YWHAE: variants seen among roughly 807,000 people sequenced by gnomAD.
YWHAE encodes the protein tyrosine 3-monooxygenase/tryptophan 5-monooxygenase activation protein epsilon.
YWHAE carries 4 observed loss-of-function variants against 30.1 expected under a neutral mutation model. The observed-to-expected ratio is 0.13, with a 90% CI of 0.07 to 0.30. YWHAE has a LOEUF of 0.30. Ranked by LOEUF, YWHAE falls within the 10% of genes least tolerant of loss-of-function variation. The pLI, the probability that YWHAE is intolerant of heterozygous loss-of-function variation, is 1.00. For missense variants in YWHAE, 121 were observed against 315.9 expected (o/e 0.38, Z 4.68); for synonymous variants, 118 against 111.8 (o/e 1.06, Z -0.35).
chr17:1,384,527 TA>T (rs1838791337), intron 1 of YWHAE, among the ~76,000 whole-genome samples: 2 of 78,212 alleles, frequency 2.6e-5, no homozygotes, highest in Admixed American at 3.0e-4. Flanking sequence ...CTGTCTCTAC[TA>T]AAAATACAAA....
At chr17:1,394,819 T>C (rs1043400183) in intron 1 of YWHAE, among the ~76,000 whole-genome samples, 1 of 148,650 alleles carries the variant, frequency 6.7e-6, no homozygotes, top group Admixed American at 6.7e-5. Context: ...ATACAAAAAT[T>C]AGCCAGGTGC....
At chr17:1,360,951 C>G in intron 4 of YWHAE, 141 bp downstream of exon 4, 1 of 717,682 alleles carries the variant, frequency 1.4e-6, no homozygotes, top group South Asian at 1.8e-5. Context: ...TTAATACTAT[C>G]CAAAGTAGTT....
chr17:1,359,938 G>A (rs372076772), intron 4 of YWHAE, among the ~76,000 whole-genome samples: 13,075 of 55,954 alleles, frequency 0.23, 2,385 homozygotes, highest in African/African-American at 0.47. Flanking sequence ...GGGGGGAGGA[G>A]GGGGAGGGGG....
rs571186970 is a variant in YWHAE at position 1,399,829 on chromosome 17, C to T, written c.64+218G>A. 6.3e-5 allele frequency: 38 copies of T among 601,920 alleles called. No individual in the cohort carries two copies. The Admixed American group carries it at 7.9e-4, about 13-fold the overall frequency. 37.3% of individuals were successfully genotyped at this position (601,920 alleles called of 1,614,324 possible). A position where few individuals can be genotyped will look rare whatever the true frequency, so the allele number is the denominator to read the frequency against. Reference sequence around the variant, plus strand: ...ACCCCGTCGCCCCGGCCTCCCGGCCCGCGAGTTGTTTGCAGTTAAGGACGG... The same window carrying T: ...ACCCCGTCGCCCCGGCCTCCCGGCCTGCGAGTTGTTTGCAGTTAAGGACGG... On this transcript the variant is annotated intron_variant, in intron 1 of 5. Transcript: ENST00000264335.
intron 1 of YWHAE, among the ~76,000 whole-genome samples, chr17:1,388,854 T>C (rs1598269702): frequency 6.6e-6 from 1 of 152,206 alleles, no homozygotes; most frequent in African/African-American, 2.4e-5. Context: ...AGTGACAATA[T>C]TTTCTGGTCA....
In YWHAE at chr17:1,400,029, GTT is replaced by G; in HGVS notation, c.64+16_64+17del. ...GAGGGTCCGAGAATTCCAGCCCCCC[GTT>G]GCCCCCCCAACTCACCGTCGTATCG... is the stretch of plus-strand genomic sequence containing the variant. On this transcript the variant is annotated intron_variant, in intron 1 of 5. Transcript: ENST00000264335. 1.3e-4 allele frequency: 124 copies of G among 944,866 alleles called. No individual in the cohort carries two copies. Among genetic ancestry groups the G allele is most frequent in the Non-Finnish European group, 1.8e-4 (108 of 601,904 alleles). 58.5% of individuals were successfully genotyped at this position (944,866 alleles called of 1,614,324 possible).
intron 1 of YWHAE, among the ~76,000 whole-genome samples, chr17:1,365,299 T>A (rs1488397066): frequency 6.6e-6 from 1 of 152,138 alleles, no homozygotes; most frequent in Non-Finnish European, 1.5e-5. Context: ...ATATACTATC[T>A]AATATAATTT....
intron 1 of YWHAE, among the ~76,000 whole-genome samples, chr17:1,375,607 G>A (rs1208635210): frequency 6.6e-6 from 1 of 152,160 alleles, no homozygotes; most frequent in African/African-American, 2.4e-5. Flanking sequence ...TTGGGGACAA[G>A]GGTGGGTGAT....
intron 1 of YWHAE, among the ~76,000 whole-genome samples, chr17:1,370,074 T>C (rs2073007073): frequency 6.6e-6 from 1 of 151,554 alleles, no homozygotes; most frequent in Non-Finnish European, 1.5e-5. Flanking sequence ...GCATGATTTC[T>C]CTGTAGCATC....
At chr17:1,389,723 G>A (rs559991429) in intron 1 of YWHAE, among the ~76,000 whole-genome samples, 1 of 151,488 alleles carries the variant, frequency 6.6e-6, no homozygotes, top group Non-Finnish European at 1.5e-5. Context: ...GTAGAGACAG[G>A]GTTTCACTGT....
At chr17:1,379,521 G>A (rs550475170) in intron 1 of YWHAE, among the ~76,000 whole-genome samples, 4 of 152,122 alleles carry the variant, frequency 2.6e-5, no homozygotes, top group South Asian at 2.1e-4. Flanking sequence ...CTTCTAATTC[G>A]AATGACGAAA....
At chr17:1,377,695 A>AC (rs576090225) in intron 1 of YWHAE, among the ~76,000 whole-genome samples, 208 of 152,268 alleles carry the variant, frequency 1.4e-3, no homozygotes, top group Admixed American at 3.3e-3. Context: ...TTAGCCAATG[A>AC]CCTTTCCTTT....
chr17:1,372,345 TTC>T (rs578068093), intron 1 of YWHAE, among the ~76,000 whole-genome samples: 143 of 152,322 alleles, frequency 9.4e-4, no homozygotes, highest in Non-Finnish European at 1.8e-3. Flanking sequence ...CACCAAAACT[TTC>T]TGTCAGCAAG....
At chr17:1,354,139 G>T (rs1465599026) in intron 5 of YWHAE, 72 bp downstream of exon 5, 8 of 1,544,588 alleles carry the variant, frequency 5.2e-6, no homozygotes, top group Non-Finnish European at 6.1e-6. Flanking sequence ...GACAAGCCAA[G>T]GAATGTCTAA....
intron 1 of YWHAE, among the ~76,000 whole-genome samples, chr17:1,395,100 A>G (rs1354476954): frequency 6.6e-6 from 1 of 152,034 alleles, no homozygotes; most frequent in Non-Finnish European, 1.5e-5. Flanking sequence ...CATGAAAAAA[A>G]AAAACAATCA....
At chr17:1,370,084 C>G (rs75618084) in intron 1 of YWHAE, among the ~76,000 whole-genome samples, 2 of 146,074 alleles carry the variant, frequency 1.4e-5, no homozygotes, top group East Asian at 2.0e-4. Flanking sequence ...TCTGTAGCAT[C>G]TGACGCTGTT....
intron 1 of YWHAE, among the ~76,000 whole-genome samples, chr17:1,393,322 A>G (rs1192387709): frequency 6.8e-6 from 1 of 147,208 alleles, no homozygotes; most frequent in African/African-American, 2.5e-5. Context: ...CCCTGTCTCA[A>G]AAAAAAAAAA....
rs1168839822 is a variant in YWHAE at position 1,388,126 on chromosome 17, T to G, written c.64+11921A>C. ...GTTTTTTTTTTTGGTTGGTTTTTTTTTTTTTTTTTTTTTTTTAGTAGAGAC... is the reference window on the plus strand; with the variant it reads ...GTTTTTTTTTTTGGTTGGTTTTTTTGTTTTTTTTTTTTTTTTAGTAGAGAC... On this transcript the variant is annotated intron_variant, in intron 1 of 5. Transcript: ENST00000264335. 3.5e-3 allele frequency among the ~76,000 whole-genome samples: 335 copies of G among 97,048 alleles called. 7 individuals are homozygous for G. The highest frequency in any genetic ancestry group is 4.9e-3 in the Non-Finnish European group (237 of 48,858). 63.7% of individuals were successfully genotyped at this position (97,048 alleles called of 152,430 possible). A position where few individuals can be genotyped will look rare whatever the true frequency, so the allele number is the denominator to read the frequency against.
intron 1 of YWHAE, among the ~76,000 whole-genome samples, chr17:1,369,074 C>A (rs551628705): frequency 6.6e-6 from 1 of 152,304 alleles, no homozygotes; most frequent in South Asian, 2.1e-4. Flanking sequence ...CAGATTCAAG[C>A]ATAAATGCTT....
Sources: gnomAD v4.1 joint callset for allele counts (sites outside exome capture counted in the v4.1 genomes callset) on GRCh38, gnomAD v4.1.1 for gene constraint, MANE v1.5 for transcripts, NCBI Gene and HGNC (gene_info 2026-07-23, HGNC 2026-07-21) for gene names.